CSMD1: variants seen among roughly 807,000 people sequenced by gnomAD.
CSMD1 encodes CUB and sushi domain-containing protein 1.
Under a neutral mutation model 417.5 loss-of-function variants are expected in CSMD1, and 213 were observed. The ratio of observed to expected loss-of-function variants is 0.51; its 90% CI spans 0.46 to 0.57. CSMD1 has a LOEUF of 0.57. Among genes scored for constraint, CSMD1 ranks in the 20% least tolerant of loss-of-function variants. The pLI is 0.00. For missense variants in CSMD1, 6,923 were observed against 4,529.7 expected (o/e 1.53, Z -15.17); for synonymous variants, 2,862 against 1,736.8 (o/e 1.65, Z -16.11).
intron 3 of CSMD1, among the ~76,000 whole-genome samples, chr8:4,410,109 C>T (rs539360323): frequency 7.2e-5 from 11 of 152,276 alleles, no homozygotes; most frequent in South Asian, 2.1e-4. Context: ...CCACCGTACC[C>T]GGTCCCATAC....
chr8:4,316,230 G>C (rs958791764), intron 3 of CSMD1, among the ~76,000 whole-genome samples: 1 of 152,078 alleles, frequency 6.6e-6, no homozygotes, highest in Non-Finnish European at 1.5e-5. Context: ...ATTTTCTAAT[G>C]GTCTTCCATT....
intron 5 of CSMD1, among the ~76,000 whole-genome samples, chr8:3,818,632 C>T (rs776054414): frequency 1.3e-5 from 2 of 152,180 alleles, no homozygotes; most frequent in Admixed American, 6.5e-5. Flanking sequence ...TGGGTCCCCA[C>T]AGCAAGGGAT....
chr8:3,496,536 T>C (rs1220778130), intron 10 of CSMD1, among the ~76,000 whole-genome samples: 1 of 152,166 alleles, frequency 6.6e-6, no homozygotes, highest in Non-Finnish European at 1.5e-5. Flanking sequence ...TTTTACTATA[T>C]CTCATAGGTT....
At chr8:3,439,296 TATATATATATA>T (rs1814799143) in intron 12 of CSMD1, among the ~76,000 whole-genome samples, 1 of 50,526 alleles carries the variant, frequency 2.0e-5, no homozygotes, top group South Asian at 7.6e-4. Context: ...TATATATATA[TATATATATATA>T]TATTTTTTTT....
At chr8:3,541,811 G>C (rs2117568734) in intron 10 of CSMD1, among the ~76,000 whole-genome samples, 1 of 151,488 alleles carries the variant, frequency 6.6e-6, no homozygotes, top group Admixed American at 6.6e-5. Flanking sequence ...ATTTGTGCTG[G>C]GCATGATGGC....
At chr8:2,972,890 A>T (rs1036424877) in intron 57 of CSMD1, among the ~76,000 whole-genome samples, 1 of 152,174 alleles carries the variant, frequency 6.6e-6, no homozygotes. Context: ...CGTGTTACGA[A>T]CTTTCAAACA....
At chr8:3,494,596 ATAGATAGATAG>A (rs1796287262) in intron 10 of CSMD1, among the ~76,000 whole-genome samples, 1 of 150,192 alleles carries the variant, frequency 6.7e-6, no homozygotes, top group Non-Finnish European at 1.5e-5. Context: ...AGATAGATAG[ATAGATAGATAG>A]ATGACAGATA....
At chr8:3,297,742 G>T (rs964057412) in intron 25 of CSMD1, among the ~76,000 whole-genome samples, 1 of 152,116 alleles carries the variant, frequency 6.6e-6, no homozygotes, top group Admixed American at 6.6e-5. Context: ...TTTGGGGAGG[G>T]AGGAGCTAGC....
At chr8:4,652,107 A>G (rs1386857525) in intron 1 of CSMD1, among the ~76,000 whole-genome samples, 1 of 152,204 alleles carries the variant, frequency 6.6e-6, no homozygotes, top group Non-Finnish European at 1.5e-5. Context: ...TTCCAATTAA[A>G]TTAATAATAA....
chr8:4,268,382 A>T (rs962176526), intron 3 of CSMD1, among the ~76,000 whole-genome samples: 3 of 152,158 alleles, frequency 2.0e-5, no homozygotes, highest in African/African-American at 7.2e-5. Context: ...CACTTAGTTA[A>T]TTCTCTCAAG....
chr8:3,282,538 T>A (rs1247780486), intron 26 of CSMD1, among the ~76,000 whole-genome samples: 2 of 78,360 alleles, frequency 2.6e-5, no homozygotes, highest in African/African-American at 3.8e-5. Context: ...AAGAAAATTT[T>A]ATATCACAAC....
chr8:4,119,093 G>T (rs1585353730), intron 3 of CSMD1, among the ~76,000 whole-genome samples: 1 of 152,048 alleles, frequency 6.6e-6, no homozygotes, highest in Non-Finnish European at 1.5e-5. Context: ...ACCTGTCAGT[G>T]GGTGGGGACA....
chr8:4,122,637 C>G (rs1413868635), intron 3 of CSMD1, among the ~76,000 whole-genome samples: 1 of 152,092 alleles, frequency 6.6e-6, no homozygotes, highest in African/African-American at 2.4e-5. Flanking sequence ...CCTCCAATCG[C>G]CAAACCAAAC....
intron 1 of CSMD1, among the ~76,000 whole-genome samples, chr8:4,745,151 A>T (rs1346968210): frequency 6.6e-6 from 1 of 152,152 alleles, no homozygotes; most frequent in African/African-American, 2.4e-5. Context: ...TTAAAATTAG[A>T]TTTATCTTAT....
chr8:3,627,299 G>A (rs529027156), intron 7 of CSMD1, among the ~76,000 whole-genome samples: 12 of 152,062 alleles, frequency 7.9e-5, no homozygotes, highest in African/African-American at 2.7e-4. Flanking sequence ...CAAGACACTT[G>A]GGAGAAGTAA....
At chr8:3,715,418 G>A (rs553085100) in intron 6 of CSMD1, among the ~76,000 whole-genome samples, 1 of 152,076 alleles carries the variant, frequency 6.6e-6, no homozygotes, top group Non-Finnish European at 1.5e-5. Flanking sequence ...TGAAAATGTG[G>A]TTCCGTCATT....
intron 51 of CSMD1, among the ~76,000 whole-genome samples, chr8:3,026,108 G>T (rs1563252024): frequency 2.0e-5 from 3 of 152,048 alleles, no homozygotes; most frequent in Non-Finnish European, 4.4e-5. Context: ...GAGATGATTT[G>T]GATGGGAACA....
rs371348642 is a variant in CSMD1 at position 4,022,068 on chromosome 8, C to T, written c.610+9837G>A. Among the ~76,000 whole-genome samples the T allele has an allele frequency of 8.0e-5, 12 of 149,460 alleles. No homozygotes were observed. The East Asian group carries it at 1.4e-3, about 17-fold the overall frequency. ...TCATTCTTTAATATACAGATGAATA[C>T]ATATGGGAGCATGTATCCACACACA... On this transcript the variant is annotated intron_variant, in intron 4 of 69. Transcript: ENST00000635120.
In CSMD1 at chr8:3,044,358, G is replaced by A. The variant is rs556411103; in HGVS notation, c.7660+8104C>T. The stretch of plus-strand genomic sequence containing the variant: ...CCTACCACATTTAAGATGTGTATAC[G>A]TTGTTCTTTACTTTGTCCCAGAAAA... On this transcript the variant is annotated intron_variant, in intron 50 of 69. Transcript: ENST00000635120. Among the ~76,000 whole-genome samples, 25 of 148,022 alleles carry A rather than the reference G, an allele frequency of 1.7e-4. 1 individual carries two copies. In the South Asian group the frequency reaches 4.2e-3, roughly 25 times the overall value.
Sources: allele counts gnomAD v4.1 joint callset (sites outside exome capture counted in the v4.1 genomes callset), GRCh38; gene constraint gnomAD v4.1.1; transcripts MANE v1.5; gene names NCBI Gene and HGNC (gene_info 2026-07-23, HGNC 2026-07-21).